RELN: variants seen among roughly 807,000 people sequenced by gnomAD.
RELN encodes reelin.
RELN carries 108 observed loss-of-function variants against 427.6 expected under a neutral mutation model. The ratio of observed to expected loss-of-function variants is 0.25; its 90% CI spans 0.22 to 0.30. The LOEUF (loss-of-function observed/expected upper bound fraction) is 0.30, where lower values mean the gene tolerates loss of function less well. Ranked by LOEUF, RELN falls within the 10% of genes least tolerant of loss-of-function variation. The probability of loss-of-function intolerance (pLI) is 1.00; values close to 1 mark genes in which losing one functional copy is unlikely to be tolerated. For missense variants in RELN, 3,715 were observed against 4,302.8 expected (o/e 0.86, Z 3.82); for synonymous variants, 1,524 against 1,513.4 (o/e 1.01, Z -0.16).
At chr7:103,612,689 C>T (rs1831988688) in intron 20 of RELN, among the ~76,000 whole-genome samples, 1 of 152,096 alleles carries the variant, frequency 6.6e-6, no homozygotes, top group Non-Finnish European at 1.5e-5. Flanking sequence ...TTTTTGTTTT[C>T]CTTATTTTTC....
chr7:103,808,770 T>C (rs1584257549), intron 3 of RELN, among the ~76,000 whole-genome samples: 1 of 152,080 alleles, frequency 6.6e-6, no homozygotes, highest in South Asian at 2.1e-4. Context: ...GAGGTAGAAA[T>C]AGGAGGACAA....
intron 2 of RELN, among the ~76,000 whole-genome samples, chr7:103,853,254 T>C (rs1217133180): frequency 6.6e-6 from 1 of 152,116 alleles, no homozygotes; most frequent in East Asian, 1.9e-4. Context: ...TGAATACACA[T>C]TCACTTGAAA....
intron 56 of RELN, among the ~76,000 whole-genome samples, chr7:103,496,125 G>T (rs1347545536): frequency 6.6e-6 from 1 of 152,144 alleles, no homozygotes; most frequent in Non-Finnish European, 1.5e-5. Flanking sequence ...CTATTAAATG[G>T]TAGTATAATG....
chr7:103,666,521 T>G (rs1041333229), intron 11 of RELN, among the ~76,000 whole-genome samples: 1 of 152,252 alleles, frequency 6.6e-6, no homozygotes, highest in African/African-American at 2.4e-5. Context: ...TTCTTCTGTT[T>G]GTCATATCTG....
At chr7:103,841,358 T>C (rs1224398864) in intron 2 of RELN, among the ~76,000 whole-genome samples, 1 of 152,180 alleles carries the variant, frequency 6.6e-6, no homozygotes, top group African/African-American at 2.4e-5. Context: ...ATACAAACCT[T>C]GGGTATCTAG....
At chr7:103,545,720 C>A (rs1486338614) in intron 41 of RELN, among the ~76,000 whole-genome samples, 1 of 152,130 alleles carries the variant, frequency 6.6e-6, no homozygotes, top group Non-Finnish European at 1.5e-5. Context: ...TGGCTCACTG[C>A]AACCTCCATC....
intron 20 of RELN, among the ~76,000 whole-genome samples, chr7:103,619,291 C>CA (rs1832160233): frequency 3.3e-5 from 5 of 152,126 alleles, no homozygotes; most frequent in African/African-American, 1.2e-4. Flanking sequence ...ATGATGACCA[C>CA]AAATGAATGC....
chr7:103,549,490 C>T (rs1490212402), intron 41 of RELN, among the ~76,000 whole-genome samples: 1 of 152,126 alleles, frequency 6.6e-6, no homozygotes, highest in East Asian at 1.9e-4. Flanking sequence ...AAATTCAGGC[C>T]ATAGCAGTGC....
intron 41 of RELN, among the ~76,000 whole-genome samples, chr7:103,548,986 A>G (rs1479157445): frequency 3.3e-5 from 5 of 152,218 alleles, no homozygotes; most frequent in African/African-American, 1.2e-4. Flanking sequence ...CTAAAATCGT[A>G]ACCTACAATC....
At chr7:103,868,331 T>G (rs766016170) in intron 2 of RELN, among the ~76,000 whole-genome samples, 22 of 152,264 alleles carry the variant, frequency 1.4e-4, no homozygotes, top group Non-Finnish European at 1.9e-4. Context: ...AAACTCTATG[T>G]CTGTGTTAAG....
At chr7:103,961,623 A>G (rs1429162801) in intron 1 of RELN, among the ~76,000 whole-genome samples, 1 of 152,212 alleles carries the variant, frequency 6.6e-6, no homozygotes, top group East Asian at 1.9e-4. Flanking sequence ...AGACAAGGAC[A>G]TTACAGGTAA....
chr7:103,494,511 A>G (rs1427151622), intron 57 of RELN, among the ~76,000 whole-genome samples: 4 of 148,694 alleles, frequency 2.7e-5, no homozygotes, highest in African/African-American at 9.9e-5. Context: ...AGCAGCTAGG[A>G]CTACAAGTAC....
chr7:103,695,603 T>C (rs1051267682), intron 10 of RELN, among the ~76,000 whole-genome samples: 5 of 152,088 alleles, frequency 3.3e-5, no homozygotes, highest in Non-Finnish European at 7.4e-5. Context: ...AATAGCTAAT[T>C]AGATTAGTGT....
At chr7:103,814,986 G>A (rs1410267070) in intron 3 of RELN, among the ~76,000 whole-genome samples, 1 of 152,188 alleles carries the variant, frequency 6.6e-6, no homozygotes, top group Non-Finnish European at 1.5e-5. Flanking sequence ...AATTAGGGAT[G>A]GAAGAAGGTA....
intron 4 of RELN, among the ~76,000 whole-genome samples, chr7:103,762,087 G>A (rs1341346205): frequency 6.6e-6 from 1 of 152,104 alleles, no homozygotes; most frequent in African/African-American, 2.4e-5. Flanking sequence ...ATAGCTTCCT[G>A]TGACAAAGGA....
At chr7:103,550,083 G>A (rs186843967) in intron 41 of RELN, among the ~76,000 whole-genome samples, 5 of 152,190 alleles carry the variant, frequency 3.3e-5, no homozygotes, top group Admixed American at 2.6e-4. Context: ...TGGCATAATC[G>A]CAAGAATTAG....
intron 3 of RELN, among the ~76,000 whole-genome samples, chr7:103,797,207 A>AT (rs1792326820): frequency 6.6e-6 from 1 of 152,036 alleles, no homozygotes; most frequent in Non-Finnish European, 1.5e-5. Flanking sequence ...GGTTCAAGTG[A>AT]TTCTCCTGCC....
At chr7:103,661,175 G>A (rs1833131234) in intron 12 of RELN, among the ~76,000 whole-genome samples, 1 of 152,152 alleles carries the variant, frequency 6.6e-6, no homozygotes, top group African/African-American at 2.4e-5. Flanking sequence ...GGCAAGCCAT[G>A]ACTAGATCTC....
rs758505618 is a variant in RELN at position 103,603,349 on chromosome 7, T to C, written c.3288A>G (p.Gln1096=). 42 of 1,613,872 alleles carry C rather than the reference T, an allele frequency of 2.6e-5. No individual in the cohort carries two copies. The highest frequency in any genetic ancestry group is 3.4e-5 in the Non-Finnish European group (40 of 1,179,810). ...VIGGEIVKPE[Q]GCGVISSGSS... is the part of the protein sequence containing the mutation. ...ATCCAGAAGAGATGACACCACACCCTTGTTCTGGTTTTACAATTTCTCCCC... is the reference window on the plus strand; with the variant it reads ...ATCCAGAAGAGATGACACCACACCCCTGTTCTGGTTTTACAATTTCTCCCC... Residue 1096 remains glutamine, a synonymous_variant, in exon 24 of 65, where the codon CAA becomes CAG. Coordinates refer to ENST00000428762, the MANE Select transcript of RELN (RefSeq NM_005045.4). This position sits in a 1 kb window ranked among gnomAD's most constrained non-coding sequence, Gnocchi z 4.3.
Sources: allele counts gnomAD v4.1 joint callset (sites outside exome capture counted in the v4.1 genomes callset), GRCh38; gene constraint gnomAD v4.1.1; non-coding constraint Gnocchi (gnomAD v3.1); transcripts MANE v1.5; gene names NCBI Gene and HGNC (gene_info 2026-07-23, HGNC 2026-07-21).